Variants in IL1RAPL1 observed in about 807,000 individuals in gnomAD.
IL1RAPL1 encodes interleukin-1 receptor accessory protein-like 1.
IL1RAPL1 carries 3 observed loss-of-function variants against 48.4 expected under a neutral mutation model. The observed-to-expected ratio is 0.06, with a 90% CI of 0.03 to 0.16. The LOEUF is 0.16. IL1RAPL1 is among the 10% of genes least tolerant of loss of function. The pLI is 1.00. For missense variants in IL1RAPL1, 349 were observed against 530.6 expected (o/e 0.66, Z 3.36); for synonymous variants, 185 against 187.7 (o/e 0.99, Z 0.12).
chrX:29,813,321 TTC>T (rs1319414793), intron 6 of IL1RAPL1, among the ~76,000 whole-genome samples: 16 of 111,490 alleles, frequency 1.4e-4, no homozygotes, highest in African/African-American at 4.2e-4. Context: ...GCACTATGTC[TTC>T]TGTTTTAAAT....
At chrX:28,778,363 T>A (rs1443066803) in intron 1 of IL1RAPL1, among the ~76,000 whole-genome samples, 1 of 111,366 alleles carries the variant, frequency 9.0e-6, no homozygotes, top group East Asian at 2.8e-4. Context: ...CAGGGAGAAC[T>A]CACAAAGGAG....
chrX:29,781,077 AAGC>A (rs1367998489), intron 6 of IL1RAPL1, among the ~76,000 whole-genome samples: 1 of 111,794 alleles, frequency 8.9e-6, no homozygotes, highest in Non-Finnish European at 1.9e-5. Context: ...CAAGAAGGCC[AAGC>A]AGGCCTCTGT....
At position 29,168,741 on chromosome X, in the gene IL1RAPL1, G is replaced by A. The variant is rs867262469; in HGVS notation, c.83-114197G>A. The stretch of plus-strand genomic sequence containing the variant: ...TACAATTGTATATATATATTCATAT[G>A]TACAATTGTATATATATATTCATAT... On this transcript the variant is annotated intron_variant, in intron 2 of 10. Transcript: ENST00000378993. Among the ~76,000 whole-genome samples the A allele has an allele frequency of 7.7e-3, 509 of 66,466 alleles. 1 individual carries two copies. Among genetic ancestry groups the A allele is most frequent in the Non-Finnish European group, 0.014 (433 of 30,636 alleles). 57.7% of individuals were successfully genotyped at this position (66,466 alleles called of 115,157 possible).
intron 3 of IL1RAPL1, among the ~76,000 whole-genome samples, chrX:29,363,925 C>T (rs1933411288): frequency 9.0e-6 from 1 of 111,139 alleles, no homozygotes; most frequent in South Asian, 3.8e-4. Context: ...GGACAAAGAT[C>T]CAAACCATAC....
chrX:29,061,245 C>T (rs1302279130), intron 2 of IL1RAPL1, among the ~76,000 whole-genome samples: 5 of 111,436 alleles, frequency 4.5e-5, no homozygotes, highest in Non-Finnish European at 9.4e-5. Flanking sequence ...AAACACTATA[C>T]CAGACTATAA....
chrX:29,740,175 G>A (rs1367491408), intron 6 of IL1RAPL1, among the ~76,000 whole-genome samples: 1 of 106,720 alleles, frequency 9.4e-6, no homozygotes, highest in Admixed American at 1.0e-4. Flanking sequence ...ACCATTGGTC[G>A]AATTAGGGTT....
intron 1 of IL1RAPL1, among the ~76,000 whole-genome samples, chrX:28,742,703 A>G (rs1420292372): frequency 8.9e-6 from 1 of 111,979 alleles, no homozygotes; most frequent in Non-Finnish European, 1.9e-5. Context: ...ATAAGTATTC[A>G]ACAGGCACTT....
intron 2 of IL1RAPL1, among the ~76,000 whole-genome samples, chrX:28,867,420 C>T (rs1418357391): frequency 8.9e-6 from 1 of 111,849 alleles, no homozygotes. Flanking sequence ...AGTTTGTTCT[C>T]TGATGACTTC....
At chrX:29,918,793 T>C (rs1411682573) in intron 7 of IL1RAPL1, among the ~76,000 whole-genome samples, 1 of 112,437 alleles carries the variant, frequency 8.9e-6, no homozygotes, top group Non-Finnish European at 1.9e-5. Flanking sequence ...TATTTATTCA[T>C]TTAAGTATCA....
intron 6 of IL1RAPL1, among the ~76,000 whole-genome samples, chrX:29,880,012 C>T (rs1485910939): frequency 2.7e-5 from 3 of 111,352 alleles, no homozygotes; most frequent in Admixed American, 9.6e-5. Flanking sequence ...TTATTCCATT[C>T]AGTTGCAAAG....
chrX:29,398,642 A>G (rs1350257922), intron 4 of IL1RAPL1, among the ~76,000 whole-genome samples: 1 of 112,365 alleles, frequency 8.9e-6, no homozygotes, highest in Non-Finnish European at 1.9e-5. Context: ...TGTTTCAAAT[A>G]TTGAAATAGA....
chrX:28,984,599 C>T (rs1569213475), intron 2 of IL1RAPL1, among the ~76,000 whole-genome samples: 1 of 111,510 alleles, frequency 9.0e-6, no homozygotes, highest in Non-Finnish European at 1.9e-5. Flanking sequence ...CAAATATTTT[C>T]CCCAAACTTA....
intron 5 of IL1RAPL1, among the ~76,000 whole-genome samples, chrX:29,624,851 A>T (rs1050623345): frequency 9.0e-6 from 1 of 111,180 alleles, no homozygotes; most frequent in African/African-American, 3.3e-5. Context: ...TGTCTCAAAA[A>T]AATATTATTA....
intron 1 of IL1RAPL1, among the ~76,000 whole-genome samples, chrX:28,662,480 T>G (rs1263072761): frequency 9.0e-6 from 1 of 111,519 alleles, no homozygotes; most frequent in African/African-American, 3.3e-5. Context: ...GGAGGAATAA[T>G]TTTACAGAGT....
intron 9 of IL1RAPL1, among the ~76,000 whole-genome samples, chrX:29,945,882 C>T (rs1196540328): frequency 9.0e-6 from 1 of 111,200 alleles, no homozygotes; most frequent in African/African-American, 3.3e-5. Context: ...TCACATCACT[C>T]CTTGTTCCCC....
rs756244836 is a variant in IL1RAPL1 at position 29,862,660 on chromosome X, A to AT, written c.779-54796dup. On this transcript the variant is annotated intron_variant, in intron 6 of 10. Transcript: ENST00000378993. ...GCAGCCTAATTTTCATTTTATTATT[A>AT]TTTTTTTTCTTTTCGTAAAGCATCT... Among the ~76,000 whole-genome samples, 195 of 109,225 alleles carry AT rather than the reference A, an allele frequency of 1.8e-3. 1 individual carries two copies. Among genetic ancestry groups the AT allele is most frequent in the Non-Finnish European group, 2.8e-3 (150 of 52,962 alleles). The allele number at this position is 109,225 out of a possible 115,157, so 94.8% of individuals were successfully genotyped here. A position where few individuals can be genotyped will look rare whatever the true frequency, so the allele number is the denominator to read the frequency against.
intron 5 of IL1RAPL1, among the ~76,000 whole-genome samples, chrX:29,457,006 C>T (rs1458622531): frequency 1.8e-5 from 2 of 108,398 alleles, no homozygotes; most frequent in Non-Finnish European, 3.8e-5. Flanking sequence ...TGGTGGCATG[C>T]GCCTGTGGTC....
chrX:28,723,959 CAGTT>C (rs1935627867), intron 1 of IL1RAPL1, among the ~76,000 whole-genome samples: 1 of 111,648 alleles, frequency 9.0e-6, no homozygotes, highest in Non-Finnish European at 1.9e-5. Flanking sequence ...GTCTGAGAGA[CAGTT>C]TGTTATAATT....
chrX:28,767,748 T>C (rs374868125), intron 1 of IL1RAPL1, among the ~76,000 whole-genome samples: 2 of 108,758 alleles, frequency 1.8e-5, no homozygotes, highest in African/African-American at 6.7e-5. Context: ...TGTGTGTGCA[T>C]GCACATGTGT....
Sources: allele counts gnomAD v4.1 joint callset (sites outside exome capture counted in the v4.1 genomes callset), GRCh38; gene constraint gnomAD v4.1.1; transcripts MANE v1.5; gene names NCBI Gene and HGNC (gene_info 2026-07-23, HGNC 2026-07-21).